The following NELL1 variants were observed in gnomAD, a reference collection of about 807,000 sequenced individuals.
NELL1 encodes the protein protein kinase C-binding protein NELL1.
A neutral mutation model predicts 107.4 loss-of-function variants in NELL1; 76 were observed. The ratio of observed to expected loss-of-function variants is 0.71; its 90% CI spans 0.59 to 0.86. The LOEUF is 0.86. NELL1 is among the 40% of genes least tolerant of loss of function. The probability of loss-of-function intolerance (pLI) is 0.00; values close to 1 mark genes in which losing one functional copy is unlikely to be tolerated. For missense variants in NELL1, 1,024 were observed against 1,005.5 expected, an observed-to-expected ratio of 1.02 and a Z score of -0.25; for synonymous variants, 353 against 341.2, an observed-to-expected ratio of 1.03 and a Z score of -0.38.
At chr11:21,525,896 T>C (rs1855841469) in intron 15 of NELL1, among the ~76,000 whole-genome samples, 1 of 152,134 alleles carries the variant, frequency 6.6e-6, no homozygotes, top group Non-Finnish European at 1.5e-5. Context: ...ATTACTACAA[T>C]CCAAGGTGAG....
At chr11:21,081,792 A>G (rs980309503) in intron 12 of NELL1, among the ~76,000 whole-genome samples, 14 of 152,212 alleles carry the variant, frequency 9.2e-5, no homozygotes, top group African/African-American at 2.4e-5. Context: ...AGCCAGAGTG[A>G]TCTTCGTAAA....
chr11:21,222,297 AG>A, intron 13 of NELL1, among the ~76,000 whole-genome samples: 1 of 152,006 alleles, frequency 6.6e-6, no homozygotes, highest in South Asian at 2.1e-4. Flanking sequence ...CTCCTGCCTC[AG>A]CCTCCCGAGT....
At chr11:21,158,996 C>T (rs1856304676) in intron 13 of NELL1, among the ~76,000 whole-genome samples, 1 of 152,112 alleles carries the variant, frequency 6.6e-6, no homozygotes, top group Non-Finnish European at 1.5e-5. Context: ...ATATAGCATG[C>T]ATAATGCTGC....
At chr11:21,033,316 G>A (rs1853007173) in intron 12 of NELL1, among the ~76,000 whole-genome samples, 1 of 152,076 alleles carries the variant, frequency 6.6e-6, no homozygotes, top group African/African-American at 2.4e-5. Context: ...TCTATTTTAA[G>A]TTTAGGGGTA....
chr11:21,480,335 C>T (rs1854461921), intron 15 of NELL1, among the ~76,000 whole-genome samples: 1 of 152,098 alleles, frequency 6.6e-6, no homozygotes, highest in Admixed American at 6.6e-5. Context: ...TCTCTCTGTT[C>T]TTATTCAGGT....
chr11:21,457,084 T>C (rs1255025755), intron 15 of NELL1, among the ~76,000 whole-genome samples: 1 of 152,158 alleles, frequency 6.6e-6, no homozygotes, highest in East Asian at 1.9e-4. Flanking sequence ...AAAGAAGTCT[T>C]CTAGAACTGA....
chr11:21,166,356 A>G (rs1565092408), intron 13 of NELL1, among the ~76,000 whole-genome samples: 1 of 151,914 alleles, frequency 6.6e-6, no homozygotes, highest in African/African-American at 2.4e-5. Context: ...AGTAAAAAAT[A>G]ATTTACATTT....
At chr11:21,294,528 G>A (rs1849336012) in intron 14 of NELL1, among the ~76,000 whole-genome samples, 1 of 152,034 alleles carries the variant, frequency 6.6e-6, no homozygotes, top group African/African-American at 2.4e-5. Context: ...GAAGATAATA[G>A]TGATTATAGT....
At chr11:21,302,130 TATG>T (rs1349270160) in intron 14 of NELL1, among the ~76,000 whole-genome samples, 1 of 152,000 alleles carries the variant, frequency 6.6e-6, no homozygotes, top group Non-Finnish European at 1.5e-5. Context: ...AACAAAAATT[TATG>T]ATTTCTCATG....
chr11:21,404,357 A>T (rs1404722784), intron 15 of NELL1, among the ~76,000 whole-genome samples: 1 of 151,930 alleles, frequency 6.6e-6, no homozygotes, highest in Non-Finnish European at 1.5e-5. Context: ...TATGGAATTT[A>T]GGGGCAGACT....
chr11:20,938,001 A>G, intron 10 of NELL1, 142 bp downstream of exon 10: 1 of 716,388 alleles, frequency 1.4e-6, no homozygotes, highest in Non-Finnish European at 2.4e-6. Context: ...GTTGGATTAC[A>G]TGATGGCGAG....
intron 16 of NELL1, among the ~76,000 whole-genome samples, chr11:21,551,572 C>G (rs1357545012): frequency 6.6e-6 from 1 of 151,510 alleles, no homozygotes; most frequent in Non-Finnish European, 1.5e-5. Flanking sequence ...AAATGCAAAT[C>G]AAAACCGCAA....
intron 4 of NELL1, among the ~76,000 whole-genome samples, chr11:20,881,109 G>A (rs1007075296): frequency 1.3e-5 from 2 of 152,158 alleles, no homozygotes; most frequent in Non-Finnish European, 2.9e-5. Context: ...TTTGATACAT[G>A]AACTTGTTTC....
At chr11:20,785,326 G>A (rs117106595) in intron 3 of NELL1, among the ~76,000 whole-genome samples, 2,177 of 152,320 alleles carry the variant, frequency 0.014, 21 homozygotes, top group Admixed American at 0.022. Flanking sequence ...GCTGTTCTGG[G>A]TCAGCCCAGA....
At chr11:20,881,119 C>T (rs1462627790) in intron 4 of NELL1, among the ~76,000 whole-genome samples, 1 of 152,132 alleles carries the variant, frequency 6.6e-6, no homozygotes, top group East Asian at 1.9e-4. Flanking sequence ...GAACTTGTTT[C>T]CCCTTTTCCT....
At chr11:20,855,226 G>A (rs535067033) in intron 4 of NELL1, among the ~76,000 whole-genome samples, 13 of 143,978 alleles carry the variant, frequency 9.0e-5, no homozygotes, top group African/African-American at 3.1e-4. Context: ...GTTAACGATT[G>A]CCTCAATGGC....
At chr11:21,186,638 A>G (rs1856941742) in intron 13 of NELL1, among the ~76,000 whole-genome samples, 2 of 151,828 alleles carry the variant, frequency 1.3e-5, no homozygotes, top group Non-Finnish European at 2.9e-5. Flanking sequence ...AGGAAAGGCT[A>G]ATATGTTTGG....
At chr11:21,002,364 T>C (rs934996082) in intron 12 of NELL1, among the ~76,000 whole-genome samples, 4 of 115,434 alleles carry the variant, frequency 3.5e-5, no homozygotes, top group African/African-American at 9.4e-5. Flanking sequence ...ATTCCGTCTT[T>C]GGTAAATATT....
intron 3 of NELL1, among the ~76,000 whole-genome samples, chr11:20,839,705 G>A (rs1247710242): frequency 6.6e-6 from 1 of 152,216 alleles, no homozygotes; most frequent in Non-Finnish European, 1.5e-5. Flanking sequence ...TGGATTGAAT[G>A]GCAGAGGGGA....
Sources: allele counts gnomAD v4.1 joint callset (sites outside exome capture counted in the v4.1 genomes callset), GRCh38; gene constraint gnomAD v4.1.1; transcripts MANE v1.5; gene names NCBI Gene and HGNC (gene_info 2026-07-23, HGNC 2026-07-21).